NPC1: variants seen among roughly 807,000 people sequenced by gnomAD.
NPC1 encodes Niemann-Pick C1 protein.
In NPC1, 85 loss-of-function variants were observed where a neutral mutation model predicts 140.4. The ratio of observed to expected loss-of-function variants is 0.61; its 90% confidence interval spans 0.51 to 0.72. The LOEUF (loss-of-function observed/expected upper bound fraction) is 0.72, where lower values mean the gene tolerates loss of function less well. NPC1 is among the 30% of genes least tolerant of loss of function. The pLI, the probability that NPC1 is intolerant of heterozygous loss-of-function variation, is 0.00. For missense variants in NPC1, 1,504 were observed against 1,623.8 expected, an observed-to-expected ratio of 0.93 and a Z score of 1.27; for synonymous variants, 656 against 624.8, an observed-to-expected ratio of 1.05 and a Z score of -0.74.
intron 4 of NPC1, among the ~76,000 whole-genome samples, chr18:23,561,762 G>A (rs1176689508): frequency 6.6e-6 from 1 of 152,118 alleles, no homozygotes; most frequent in East Asian, 1.9e-4. Context: ...AAAACAGACA[G>A]GAAAGGGAAA....
intron 1 of NPC1, chr18:23,576,407 G>A (rs1212942950): frequency 1.1e-6 from 1 of 899,204 alleles, no homozygotes; most frequent in Non-Finnish European, 1.3e-6. Flanking sequence ...GGACAACAAA[G>A]TGAAAACTGG....
chr18:23,520,109 T>TA (rs1466706072), downstream of NPC1: 1 of 951,326 alleles, frequency 1.1e-6, no homozygotes, highest in African/African-American at 1.6e-5. Context: ...CACAGGCTTT[T>TA]AAACTGATTT....
intron 11 of NPC1, among the ~76,000 whole-genome samples, chr18:23,546,929 C>CACAT (rs1465583787): frequency 6.6e-6 from 1 of 152,172 alleles, no homozygotes; most frequent in Non-Finnish European, 1.5e-5. Flanking sequence ...GTGATGGCTG[C>CACAT]ACATACACGT....
At chr18:23,511,154 G>T (rs2057848069) in intron 3 of NPC1, among the ~76,000 whole-genome samples, 1 of 152,222 alleles carries the variant, frequency 6.6e-6, no homozygotes. Flanking sequence ...CCATAAAAAT[G>T]AACAAGATCA....
chr18:23,540,569 C>A, intron 16 of NPC1, 32 bp from the exon 17 acceptor site: 1 of 1,421,452 alleles, frequency 7.0e-7, no homozygotes, highest in Non-Finnish European at 1.0e-6. Flanking sequence ...AAGACAGAGA[C>A]TGCTTAGTAA....
rs376213990 is a variant in NPC1, at chr18:23,544,484, C to G, written c.1990G>C (p.Val664Leu). The G allele has an allele frequency of 6.2e-7, 1 of 1,614,212 alleles. No homozygotes were observed. The highest frequency in any genetic ancestry group is 8.5e-7 in the Non-Finnish European group (1 of 1,180,040). The change falls in exon 13 of 25, where the codon GTG becomes CTG. Residue 664 changes from valine to leucine, a missense_variant. By Grantham distance (32) the Val-to-Leu change is conservative. Transcript: ENST00000269228. ...AAGGAGCAAGCCACCGAGCTCAGCACGATCAAGATGCCCGCGATGCCTAGT... is the reference window on the plus strand; with the variant it reads ...AAGGAGCAAGCCACCGAGCTCAGCAGGATCAAGATGCCCGCGATGCCTAGT... ...VSLGIAGILI[V>L]LSSVACSLGV...
rs149635701 is a variant in NPC1, at chr18:23,563,032, C to G, written c.464-1505G>C. 4.1e-3 allele frequency among the ~76,000 whole-genome samples: 629 copies of G among 152,292 alleles called. 3 individuals are homozygous for G. Among genetic ancestry groups the G allele is most frequent in the Non-Finnish European group, 3.9e-3 (262 of 68,028 alleles). Reference sequence around the variant, plus strand: ...AATCCTGTATTCTAGCTATGCACAACTACCTCCCTACTTCCCTAAGCCCTA... The same window carrying G: ...AATCCTGTATTCTAGCTATGCACAAGTACCTCCCTACTTCCCTAAGCCCTA... On this transcript the variant is annotated intron_variant, in intron 4 of 24. Transcript: ENST00000269228.
At chr18:23,519,296 T>C, downstream of NPC1, 1 of 798,908 alleles carries the variant, frequency 1.3e-6, no homozygotes, top group Non-Finnish European at 2.0e-6. Flanking sequence ...GGCGGACAGA[T>C]TGCTTGAGCC....
chr18:23,584,061 A>C (rs967883451), intron 1 of NPC1, among the ~76,000 whole-genome samples: 13 of 152,212 alleles, frequency 8.5e-5, no homozygotes, highest in African/African-American at 3.1e-4. Context: ...AGCCGGGAAA[A>C]ATAAAGGCTA....
intron 3 of NPC1, among the ~76,000 whole-genome samples, chr18:23,513,791 T>C (rs2057926582): frequency 6.6e-6 from 1 of 152,250 alleles, no homozygotes; most frequent in Admixed American, 6.5e-5. Context: ...TGTTGAGCAC[T>C]TTTGTGTGTG....
chr18:23,555,008 G>A (rs1171285517), intron 8 of NPC1, 24 bp from the exon 9 acceptor site: 2 of 1,471,552 alleles, frequency 1.4e-6, no homozygotes, highest in Non-Finnish European at 1.9e-6. Flanking sequence ...TTAAAAATAA[G>A]CAAACCCAGA....
chr18:23,554,991 G>C lies in NPC1; in HGVS notation c.1327-7C>G, dbSNP rs2145448562. 1 of 1,590,882 alleles carries C rather than the reference G, an allele frequency of 6.3e-7. No homozygotes were observed. On this transcript the variant is annotated splice_polypyrimidine_tract_variant and splice_region_variant and intron_variant, in intron 8 of 24. Transcript: ENST00000269228. ...CTATTTGTAAGTCAAGAACCTGAAA[G>C]AAGATTTTAAAAATAAGCAAACCCA...
intron 7 of NPC1, 109 bp downstream of exon 7, chr18:23,557,008 G>C (rs1207093882): frequency 1.1e-6 from 1 of 922,022 alleles, no homozygotes; most frequent in African/African-American, 1.6e-5. Flanking sequence ...CCGTGTCCTC[G>C]GCACTGGCAC....
chr18:23,583,811 TCA>T (rs2059384356), intron 1 of NPC1, among the ~76,000 whole-genome samples: 1 of 152,166 alleles, frequency 6.6e-6, no homozygotes, highest in South Asian at 2.1e-4. Flanking sequence ...TAAAAAAATC[TCA>T]TTTTCCCCTT....
downstream of NPC1, chr18:23,529,823 T>A: frequency 8.5e-7 from 1 of 1,181,476 alleles, no homozygotes; most frequent in Non-Finnish European, 1.2e-6. Context: ...CCTCCCTGAC[T>A]CAGAATGCTG....
chr18:23,553,034 G>T (rs1315369877), intron 9 of NPC1, among the ~76,000 whole-genome samples: 1 of 152,222 alleles, frequency 6.6e-6, no homozygotes, highest in Non-Finnish European at 1.5e-5. Flanking sequence ...AAAGCTGGAG[G>T]GAGAGGAAAG....
chr18:23,524,496 G>A, downstream of NPC1: 1 of 1,613,426 alleles, frequency 6.2e-7, no homozygotes, highest in Non-Finnish European at 8.5e-7. Flanking sequence ...GGTCAGCGGG[G>A]ACAGTTGTCG....
intron 14 of NPC1, among the ~76,000 whole-genome samples, chr18:23,542,839 A>G (rs532344946): frequency 3.9e-5 from 6 of 152,328 alleles, no homozygotes; most frequent in African/African-American, 1.4e-4. Flanking sequence ...TCAACTATCA[A>G]CATTCCCAGT....
chr18:23,524,632 C>T (rs1788793), downstream of NPC1: 20 of 710,886 alleles, frequency 2.8e-5, no homozygotes, highest in Non-Finnish European at 3.8e-5. Flanking sequence ...TCACTTTATA[C>T]GTTTTTTACT....
Sources: gnomAD v4.1 joint callset for allele counts (sites outside exome capture counted in the v4.1 genomes callset) on GRCh38, gnomAD v4.1.1 for gene constraint, MANE v1.5 for transcripts, NCBI Gene and HGNC (gene_info 2026-07-23, HGNC 2026-07-21) for gene names.